IGLON5: variants seen among roughly 807,000 people sequenced by gnomAD.
IGLON5 encodes Ig-like domain-containing protein ENSP00000270642.
IGLON5 carries 16 observed loss-of-function variants against 38.2 expected under a neutral mutation model. The observed-to-expected ratio is 0.42, with a 90% CI of 0.28 to 0.64. The LOEUF is 0.64. Ranked by LOEUF, IGLON5 falls within the 30% of genes least tolerant of loss-of-function variation. The pLI is 0.23. For synonymous variants in IGLON5, 207 were observed against 216.4 expected (o/e 0.96, Z 0.38); for missense variants, 366 against 483.4 (o/e 0.76, Z 2.28).
chr19:51,328,023 G>C (rs1985261500), intron 7 of IGLON5, 137 bp downstream of exon 7: 21 of 920,838 alleles, frequency 2.3e-5, no homozygotes, highest in Non-Finnish European at 3.3e-5. Context: ...AGCAATGCGA[G>C]TAAGAAACCG....
At position 51,327,807 on chromosome 19, in the gene IGLON5, G is replaced by A. The variant is rs1368782956; in HGVS notation, c.843G>A (p.Val281=). The A allele has an allele frequency of 6.4e-7, 1 of 1,561,938 alleles. No individual in the cohort carries two copies. Among genetic ancestry groups the A allele is most frequent in the Non-Finnish European group, 8.7e-7 (1 of 1,154,938 alleles). Residue 281 remains valine, a synonymous_variant, in exon 7 of 8, where the codon GTG becomes GTA. Transcript: ENST00000270642. The surrounding 1 kb of genome is among the most constrained non-coding windows in gnomAD (Gnocchi z 7.1). ...GCTCGATGCTTCTCTTTGCCAACGT[G>A]AGCGCCCGGCATTACGGCAACTATA... ...RTRSMLLFAN[V]SARHYGNYTC...
At chr19:51,312,383 C>G (rs375221570) in intron 1 of IGLON5, among the ~76,000 whole-genome samples, 1 of 151,752 alleles carries the variant, frequency 6.6e-6, no homozygotes, top group African/African-American at 2.4e-5. Flanking sequence ...AGGTCCTTGC[C>G]GGGGGCTGGG....
At position 51,319,626 on chromosome 19, in the gene IGLON5, C is replaced by G. The variant is rs568132351; in HGVS notation, c.80-2438C>G. 2.0e-5 allele frequency among the ~76,000 whole-genome samples: 3 copies of G among 152,116 alleles called. No homozygotes were observed. In the East Asian group the frequency reaches 5.8e-4, roughly 29 times the overall value. ...CAGCCATGTGTGGGGCTGTTGATGT[C>G]GATGGAACCATGTGGGAACTATTGT... On this transcript the variant is annotated intron_variant, in intron 1 of 7. Transcript: ENST00000270642.
At position 51,325,470 on chromosome 19, in the gene IGLON5, G is replaced by A. The variant is rs760123192; in HGVS notation, c.511+5G>A. 1.2e-5 allele frequency: 19 copies of A among 1,609,474 alleles called. No individual in the cohort carries two copies. The highest frequency in any genetic ancestry group is 1.6e-5 in the Non-Finnish European group (19 of 1,177,618). On this transcript the variant is annotated splice_donor_5th_base_variant and intron_variant, in intron 4 of 7. Transcript: ENST00000270642. This position sits in a 1 kb window ranked among gnomAD's most constrained non-coding sequence, Gnocchi z 5.5. ...TCACCTGGAGACAGCTCCGAGGTGA[G>A]GACCCCATCCCAGGTCAAAAGCCCC...
In IGLON5 at chr19:51,327,105, C is replaced by A. The variant is rs756016167; in HGVS notation, c.672C>A (p.Thr224=). The part of the protein sequence containing the change: ...VNYPPTITDV[T]SARTALGRAA... ...ATCCTCCGACCATCACGGACGTGAC[C>A]AGCGCCCGCACCGCGCTGGGCCGGG... The change falls in exon 6 of 8, where the codon ACC becomes ACA. Residue 224 remains threonine, a synonymous_variant. Transcript: ENST00000270642. This position sits in a 1 kb window ranked among gnomAD's most constrained non-coding sequence, Gnocchi z 7.1. 5 of 1,610,278 alleles carry A rather than the reference C, an allele frequency of 3.1e-6. No individual in the cohort carries two copies. In the Admixed American group the frequency reaches 8.3e-5, roughly 27 times the overall value.
rs1252935632 is a variant in IGLON5 at position 51,329,277 on chromosome 19, C to CA, written c.*519dup. 6.6e-6 allele frequency: 1 copy of CA among 152,440 alleles called. No individual in the cohort carries two copies. Among genetic ancestry groups the CA allele is most frequent in the Non-Finnish European group, 1.5e-5 (1 of 68,256 alleles). 9.4% of individuals were successfully genotyped at this position (152,440 alleles called of 1,614,324 possible). ...GTGGAAGCTGTGAAGAGAGGCTTAC[C>CA]AGGCTCCCTGCTTCCCCAATATATG... On this transcript the variant is annotated 3_prime_UTR_variant, in exon 8 of 8. Coordinates refer to ENST00000270642, the MANE Select transcript of IGLON5 (RefSeq NM_001101372.3). This position sits in a 1 kb window ranked among gnomAD's most constrained non-coding sequence, Gnocchi z 4.3.
intron 1 of IGLON5, among the ~76,000 whole-genome samples, chr19:51,316,175 A>G (rs1245274669): frequency 2.4e-5 from 2 of 84,312 alleles, no homozygotes; most frequent in African/African-American, 9.0e-5. Context: ...GGGAAACCCC[A>G]TATCTACAAA....
intron 1 of IGLON5, among the ~76,000 whole-genome samples, chr19:51,320,730 ACACATGTGGAT>A (rs1985034234): frequency 6.6e-6 from 1 of 152,100 alleles, no homozygotes; most frequent in African/African-American, 2.4e-5. Flanking sequence ...CTGAGAATGT[ACACATGTGGAT>A]CTCTGTGCGC....
intron 1 of IGLON5, among the ~76,000 whole-genome samples, chr19:51,316,903 G>A (rs926035598): frequency 3.3e-5 from 5 of 151,788 alleles, no homozygotes; most frequent in East Asian, 1.9e-4. Context: ...AGCCAGAGCC[G>A]CACCCCCTCC....
chr19:51,328,598 G>A, intron 7 of IGLON5, 73 bp from the exon 8 acceptor site: 1 of 936,948 alleles, frequency 1.1e-6, no homozygotes. Flanking sequence ...CAGAAGAGAT[G>A]GGGCCCCTGG....
intron 1 of IGLON5, among the ~76,000 whole-genome samples, chr19:51,320,471 C>A (rs968358576): frequency 6.6e-6 from 1 of 152,234 alleles, no homozygotes; most frequent in African/African-American, 2.4e-5. Context: ...GCCAGCTCCA[C>A]CGCCTCCGCA....
At chr19:51,317,706 G>C (rs1300477032) in intron 1 of IGLON5, among the ~76,000 whole-genome samples, 3 of 152,200 alleles carry the variant, frequency 2.0e-5, no homozygotes, top group African/African-American at 7.2e-5. Context: ...TCCTAAAAAA[G>C]AAGGTGCTGT....
rs1331199064 is a variant in IGLON5 at position 51,330,400 on chromosome 19, G to A, written c.*1641G>A. ...GTCATTAAGGATTAGAGTTAATGAA[G>A]GGCAAAGGGTAGCAGTCAATTGGTG... is the stretch of plus-strand genomic sequence containing the variant. On this transcript the variant is annotated 3_prime_UTR_variant, in exon 8 of 8. Coordinates refer to ENST00000270642, the MANE Select transcript of IGLON5 (RefSeq NM_001101372.3). The A allele has an allele frequency of 6.6e-6, 1 of 152,282 alleles. No individual in the cohort carries two copies. Among genetic ancestry groups the A allele is most frequent in the African/African-American group, 2.4e-5 (1 of 41,468 alleles). 9.4% of individuals were successfully genotyped at this position (152,282 alleles called of 1,614,324 possible).
At chr19:51,317,146 C>T (rs1262071213) in intron 1 of IGLON5, among the ~76,000 whole-genome samples, 1 of 152,126 alleles carries the variant, frequency 6.6e-6, no homozygotes, top group African/African-American at 2.4e-5. Context: ...CACCTGCCTA[C>T]CACCTTCATT....
Position 51,318,325 on chromosome 19 carries a change from C to G in IGLON5, c.80-3739C>G, listed in dbSNP as rs146123930. Among the ~76,000 whole-genome samples, 552 of 152,266 alleles carry G rather than the reference C, an allele frequency of 3.6e-3. 1 individual carries two copies. The highest frequency in any genetic ancestry group is 0.034 in the Middle Eastern group (10 of 294). On this transcript the variant is annotated intron_variant, in intron 1 of 7. Transcript: ENST00000270642. ...CTTGAGTCAGAACCAAGATTTACCC[C>G]CAAGAAACTTCTAGTCTGATAGGGA...
Position 51,317,306 on chromosome 19 carries a change from G to A in IGLON5, c.80-4758G>A, listed in dbSNP as rs116031587. Among the ~76,000 whole-genome samples, 1,124 of 152,236 alleles carry A rather than the reference G, an allele frequency of 7.4e-3. 15 individuals carry two copies. The highest frequency in any genetic ancestry group is 0.026 in the African/African-American group (1,066 of 41,548). On this transcript the variant is annotated intron_variant, in intron 1 of 7. Transcript: ENST00000270642. ...ATAATCACCCTAACAGCCAGCTCACGGACGGCTGTTTGCAAGCACTTAACT... is the reference window on the plus strand; with the variant it reads ...ATAATCACCCTAACAGCCAGCTCACAGACGGCTGTTTGCAAGCACTTAACT...
At chr19:51,318,094 CAGA>C (rs1182449353) in intron 1 of IGLON5, among the ~76,000 whole-genome samples, 7 of 152,320 alleles carry the variant, frequency 4.6e-5, no homozygotes, top group Non-Finnish European at 4.4e-5. Flanking sequence ...AAACAGTGCC[CAGA>C]AGAAGGAGTG....
chr19:51,323,352 C>A (rs187215213), intron 2 of IGLON5, among the ~76,000 whole-genome samples: 3 of 152,170 alleles, frequency 2.0e-5, no homozygotes, highest in African/African-American at 7.2e-5. Context: ...CTCTCTAGGT[C>A]TCTTTCTCCT....
rs1985254502 is a variant in IGLON5, at chr19:51,327,796, T to C, written c.832T>C (p.Phe278Leu). The part of the protein sequence containing the change: ...QTERTRSMLL[F>L]ANVSARHYGN... The stretch of plus-strand genomic sequence containing the variant: ...GGAGCGCACCCGCTCGATGCTTCTC[T>C]TTGCCAACGTGAGCGCCCGGCATTA... Residue 278 changes from phenylalanine to leucine, a missense_variant, in exon 7 of 8, where the codon TTT becomes CTT. Coordinates refer to ENST00000270642, the MANE Select transcript of IGLON5 (RefSeq NM_001101372.3). The surrounding 1 kb of genome is among the most constrained non-coding windows in gnomAD (Gnocchi z 7.1). 6.4e-7 allele frequency: 1 copy of C among 1,568,446 alleles called. No homozygotes were observed. Among genetic ancestry groups the C allele is most frequent in the Non-Finnish European group, 8.6e-7 (1 of 1,158,630 alleles).
Sources: gnomAD v4.1 joint callset for allele counts (sites outside exome capture counted in the v4.1 genomes callset) on GRCh38, gnomAD v4.1.1 for gene constraint, Gnocchi (gnomAD v3.1) non-coding constraint, MANE v1.5 for transcripts, NCBI Gene and HGNC (gene_info 2026-07-23, HGNC 2026-07-21) for gene names.